The following PCDH9 variants were observed in gnomAD, a reference collection of about 807,000 sequenced individuals.
PCDH9 encodes the protein protocadherin 9.
PCDH9 carries 24 observed loss-of-function variants against 70.6 expected under a neutral mutation model. The observed-to-expected ratio is 0.34, with a 90% confidence interval of 0.25 to 0.48. The LOEUF (loss-of-function observed/expected upper bound fraction) is 0.48, where lower values mean the gene tolerates loss of function less well. Ranked by LOEUF, PCDH9 falls within the 20% of genes least tolerant of loss-of-function variation. The pLI is 0.99. For missense variants in PCDH9, 1,281 were observed against 1,503.6 expected (o/e 0.85, Z 2.45); for synonymous variants, 562 against 558.5 (o/e 1.01, Z -0.09).
intron 2 of PCDH9, among the ~76,000 whole-genome samples, chr13:66,959,736 G>A (rs984746225): frequency 4.2e-5 from 6 of 141,490 alleles, no homozygotes; most frequent in African/African-American, 1.6e-4. Flanking sequence ...GGGCAACAGA[G>A]TGAGACCCCG....
chr13:67,023,592 T>C (rs1419062251), intron 2 of PCDH9, among the ~76,000 whole-genome samples: 1 of 152,112 alleles, frequency 6.6e-6, no homozygotes, highest in Non-Finnish European at 1.5e-5. Context: ...AGCAAAGAAC[T>C]CTCAATTTGT....
At chr13:67,002,211 A>G (rs1465271856) in intron 2 of PCDH9, among the ~76,000 whole-genome samples, 2 of 152,140 alleles carry the variant, frequency 1.3e-5, no homozygotes, top group Non-Finnish European at 2.9e-5. Flanking sequence ...AAAAATATTT[A>G]TTATTAAAAA....
intron 2 of PCDH9, among the ~76,000 whole-genome samples, chr13:67,115,008 AT>A (rs529857063): frequency 6.6e-6 from 1 of 151,954 alleles, no homozygotes; most frequent in East Asian, 1.9e-4. Flanking sequence ...CTTTGTCAAG[AT>A]TTTTTTTATT....
intron 3 of PCDH9, among the ~76,000 whole-genome samples, chr13:66,642,209 A>G (rs1324607037): frequency 6.6e-6 from 1 of 152,104 alleles, no homozygotes; most frequent in Non-Finnish European, 1.5e-5. Flanking sequence ...TGTCAAACAT[A>G]TCTGAGATCT....
chr13:66,797,875 C>T (rs2080268825), intron 3 of PCDH9, among the ~76,000 whole-genome samples: 1 of 151,876 alleles, frequency 6.6e-6, no homozygotes, highest in African/African-American at 2.4e-5. Flanking sequence ...CCTCATCTAC[C>T]AATCTTATCT....
chr13:67,071,759 G>C (rs1412791787), intron 2 of PCDH9, among the ~76,000 whole-genome samples: 1 of 151,500 alleles, frequency 6.6e-6, no homozygotes, highest in African/African-American at 2.4e-5. Flanking sequence ...AGTGGTGGTG[G>C]ACACCTGTAA....
intron 2 of PCDH9, among the ~76,000 whole-genome samples, chr13:67,175,222 T>C (rs2088418353): frequency 6.6e-6 from 1 of 152,180 alleles, no homozygotes. Flanking sequence ...ATGATAATCT[T>C]CAGAGAAAGA....
In PCDH9 at chr13:66,762,943, T is replaced by A. The variant is rs556964116; in HGVS notation, c.3139-131532A>T. Among the ~76,000 whole-genome samples the A allele has an allele frequency of 3.3e-5, 5 of 151,986 alleles. No homozygotes were observed. In the South Asian group the frequency reaches 1.0e-3, roughly 32 times the overall value. Reference sequence around the variant, plus strand: ...AGATTCAAAGCAAGCGTATGGTAAATCATTTTTCAAAATAATAAGACTATT... The same window carrying A: ...AGATTCAAAGCAAGCGTATGGTAAAACATTTTTCAAAATAATAAGACTATT... On this transcript the variant is annotated intron_variant, in intron 3 of 4. Transcript: ENST00000377865.
In PCDH9 at chr13:66,381,642, C is replaced by T. The variant is rs111493693; in HGVS notation, c.3341-76614G>A. Among the ~76,000 whole-genome samples the T allele has an allele frequency of 4.2e-3, 633 of 152,186 alleles. 3 individuals carry two copies. The highest frequency in any genetic ancestry group is 0.014 in the African/African-American group (600 of 41,532). ...ATCTTAGAAAAAATAAGCATACAGC[C>T]AGTCAGTAAAGCAAACAAAGGCGAA... On this transcript the variant is annotated intron_variant, in intron 4 of 4. Transcript: ENST00000377865.
At chr13:67,020,973 A>G (rs186653478) in intron 2 of PCDH9, among the ~76,000 whole-genome samples, 1 of 152,368 alleles carries the variant, frequency 6.6e-6, no homozygotes, top group African/African-American at 2.4e-5. Flanking sequence ...ATTCAAACAA[A>G]GTATATGATT....
chr13:67,043,213 G>GA lies in PCDH9; in HGVS notation c.3037-139609dup, dbSNP rs60145214. Among the ~76,000 whole-genome samples the GA allele has an allele frequency of 5.1e-3, 770 of 152,292 alleles. 3 individuals are homozygous for GA. The highest frequency in any genetic ancestry group is 0.017 in the African/African-American group (717 of 41,554). On this transcript the variant is annotated intron_variant, in intron 2 of 4. Transcript: ENST00000377865. ...CATCACATGCCAATATTTTATTTTA[G>GA]AAAGTTCCTGTTGGAATCAGCTTGG...
intron 2 of PCDH9, among the ~76,000 whole-genome samples, chr13:67,200,840 C>A (rs1453488855): frequency 6.6e-6 from 1 of 152,022 alleles, no homozygotes; most frequent in Non-Finnish European, 1.5e-5. Flanking sequence ...GTGAGCAATT[C>A]ATCACTTAGG....
chr13:66,449,591 C>T lies in PCDH9; in HGVS notation c.3341-144563G>A, dbSNP rs111494807. Among the ~76,000 whole-genome samples, 577 of 152,184 alleles carry T rather than the reference C, an allele frequency of 3.8e-3. 5 individuals carry two copies. The highest frequency in any genetic ancestry group is 0.013 in the African/African-American group (556 of 41,542). ...CACCTCACAAGAGTGTTCAGAAAAT[C>T]CTATCTCACAAATAAAGTGTAAAGC... is the stretch of plus-strand genomic sequence containing the variant. On this transcript the variant is annotated intron_variant, in intron 4 of 4. Transcript: ENST00000377865.
chr13:66,395,942 C>T (rs1361780933), intron 4 of PCDH9, among the ~76,000 whole-genome samples: 1 of 151,954 alleles, frequency 6.6e-6, no homozygotes, highest in East Asian at 1.9e-4. Context: ...GTATAGTTTA[C>T]CTGAAGTATG....
At chr13:66,753,920 C>G (rs1251102664) in intron 3 of PCDH9, among the ~76,000 whole-genome samples, 1 of 152,148 alleles carries the variant, frequency 6.6e-6, no homozygotes, top group Admixed American at 6.5e-5. Context: ...AACATTAATA[C>G]TGAACCTTCA....
At chr13:67,168,122 A>G (rs191763066) in intron 2 of PCDH9, among the ~76,000 whole-genome samples, 1 of 152,332 alleles carries the variant, frequency 6.6e-6, no homozygotes, top group Admixed American at 6.5e-5. Context: ...TCTCCAGAAA[A>G]TCACTTGTTA....
chr13:66,631,461 A>G, intron 3 of PCDH9, 50 bp from the exon 4 acceptor site: 1 of 1,096,398 alleles, frequency 9.1e-7, no homozygotes, highest in Non-Finnish European at 1.4e-6. Flanking sequence ...CTCAAATAAA[A>G]CAGGCCTAGT....
chr13:67,002,246 C>G (rs754641251), intron 2 of PCDH9, among the ~76,000 whole-genome samples: 4 of 152,022 alleles, frequency 2.6e-5, no homozygotes, highest in Non-Finnish European at 5.9e-5. Context: ...TCAATAACCT[C>G]ACTATTAAAC....
At chr13:66,360,095 G>C (rs1277548796) in intron 4 of PCDH9, among the ~76,000 whole-genome samples, 1 of 151,620 alleles carries the variant, frequency 6.6e-6, no homozygotes, top group Admixed American at 6.6e-5. Context: ...TGTGAGGGAG[G>C]ATCACACAGA....
Sources: allele counts gnomAD v4.1 joint callset (sites outside exome capture counted in the v4.1 genomes callset), GRCh38; gene constraint gnomAD v4.1.1; transcripts MANE v1.5; gene names NCBI Gene and HGNC (gene_info 2026-07-23, HGNC 2026-07-21).